The following ARHGAP40 variants were observed in gnomAD, a reference collection of about 807,000 sequenced individuals.
ARHGAP40 encodes the protein Rho GTPase activating protein 40.
A neutral mutation model predicts 73.5 loss-of-function variants in ARHGAP40; 43 were observed. The ratio of observed to expected loss-of-function variants is 0.58; its 90% confidence interval spans 0.46 to 0.75. The LOEUF (loss-of-function observed/expected upper bound fraction) is 0.75, where lower values mean the gene tolerates loss of function less well. Among genes scored for constraint, ARHGAP40 ranks in the 30% least tolerant of loss-of-function variants. The pLI is 0.00. For synonymous variants in ARHGAP40, 300 were observed against 352.8 expected, an observed-to-expected ratio of 0.85 and a Z score of 1.68; for missense variants, 734 against 861.8, an observed-to-expected ratio of 0.85 and a Z score of 1.86.
chr20:38,603,584 A>ATCTCTCTCTCTG (rs1395320137), intron 1 of ARHGAP40, among the ~76,000 whole-genome samples: 1 of 151,404 alleles, frequency 6.6e-6, no homozygotes, highest in Non-Finnish European at 1.5e-5. Flanking sequence ...CTTATCTATC[A>ATCTCTCTCTCTG]TCTCTCTCTC....
At chr20:38,630,889 C>G (rs909395232) in intron 5 of ARHGAP40, among the ~76,000 whole-genome samples, 3 of 152,108 alleles carry the variant, frequency 2.0e-5, no homozygotes, top group Non-Finnish European at 4.4e-5. Context: ...GGAAGTGTTT[C>G]TTCTTTGACC....
intron 1 of ARHGAP40, chr20:38,615,391 A>T: frequency 1.4e-6 from 1 of 736,680 alleles, no homozygotes; most frequent in South Asian, 1.4e-5. Context: ...ACCCACCCCA[A>T]TGAGGTAGCT....
chr20:38,611,695 C>T (rs2088805976), intron 1 of ARHGAP40, among the ~76,000 whole-genome samples: 1 of 152,100 alleles, frequency 6.6e-6, no homozygotes, highest in Admixed American at 6.5e-5. Context: ...CCTCAGCCTC[C>T]CAAGTAGCTG....
chr20:38,636,764 T>C (rs1238931734), intron 6 of ARHGAP40, among the ~76,000 whole-genome samples: 1 of 152,230 alleles, frequency 6.6e-6, no homozygotes, highest in African/African-American at 2.4e-5. Context: ...TGAGATAATA[T>C]TGCCCTTCAG....
chr20:38,643,807 A>G, exon 11 of ARHGAP40: 1 of 1,305,642 alleles, frequency 7.7e-7, no homozygotes, highest in East Asian at 5.5e-5. Flanking sequence ...TTTCTGCACC[A>G]AGGGCGGCCC....
At chr20:38,628,331 G>A (rs567154651) in intron 3 of ARHGAP40, among the ~76,000 whole-genome samples, 1 of 149,830 alleles carries the variant, frequency 6.7e-6, no homozygotes, top group South Asian at 2.1e-4. Flanking sequence ...TTGAGACTGA[G>A]CCTCGCTCTG....
intron 1 of ARHGAP40, among the ~76,000 whole-genome samples, chr20:38,621,065 C>T (rs921074921): frequency 1.3e-5 from 2 of 152,264 alleles, no homozygotes; most frequent in African/African-American, 2.4e-5. Context: ...TCCATGGAGC[C>T]GGCCCTAGGT....
At chr20:38,626,842 G>A (rs568531829) in intron 2 of ARHGAP40, among the ~76,000 whole-genome samples, 153 bp from the exon 3 acceptor site, 2 of 151,184 alleles carry the variant, frequency 1.3e-5, no homozygotes, top group South Asian at 2.1e-4. Context: ...CTTCTCCCCC[G>A]GAGAGTCTGG....
At chr20:38,637,374 C>T (rs937041956) in intron 6 of ARHGAP40, among the ~76,000 whole-genome samples, 4 of 152,154 alleles carry the variant, frequency 2.6e-5, no homozygotes, top group African/African-American at 7.2e-5. Context: ...GTCTCGACCT[C>T]CTGACCTCAG....
At chr20:38,638,655 C>T in intron 7 of ARHGAP40, 106 bp from the exon 8 acceptor site, 1 of 782,820 alleles carries the variant, frequency 1.3e-6, no homozygotes, top group Non-Finnish European at 1.9e-6. Context: ...GGAAACCCTT[C>T]TCCTGGTACT....
chr20:38,628,636 T>A (rs77478561), intron 3 of ARHGAP40, among the ~76,000 whole-genome samples: 4,226 of 152,284 alleles, frequency 0.028, 217 homozygotes, highest in African/African-American at 0.097. Flanking sequence ...TCACTGTGTA[T>A]CCTGCTGACA....
At chr20:38,630,360 C>T (rs1177113296) in intron 5 of ARHGAP40, among the ~76,000 whole-genome samples, 1 of 151,928 alleles carries the variant, frequency 6.6e-6, no homozygotes, top group Non-Finnish European at 1.5e-5. Context: ...GCTAGGACTA[C>T]AGTTGCATGC....
exon 15 of ARHGAP40, chr20:38,650,640 C>G (rs1421450159): frequency 4.2e-6 from 2 of 471,198 alleles, no homozygotes; most frequent in Admixed American, 4.7e-5. Context: ...AAAGGCACAA[C>G]AAGTTCAATG....
rs1166266762 is a variant in ARHGAP40, at chr20:38,627,653, G to GGTGTGTGTGGGGTGTGTTA, written c.558+450_558+451insTGTGTTAGTGTGTGTGGGG. ...TGTTGGGGTGTGTGTGGGGTGTGTT[G>GGTGTGTGTGGGGTGTGTTA]GTGTGTGTGGGGGTGTGTTGGTGTG... On this transcript the variant is annotated intron_variant, in intron 3 of 14. Coordinates refer to ENST00000373345, the Ensembl canonical transcript of ARHGAP40. Among the ~76,000 whole-genome samples the GGTGTGTGTGGGGTGTGTTA allele has an allele frequency of 6.3e-5, 9 of 143,676 alleles. 1 individual carries two copies. The highest frequency in any genetic ancestry group is 2.3e-4 in the African/African-American group (9 of 38,596). The allele number at this position is 143,676 out of a possible 152,430, so 94.3% of individuals were successfully genotyped here.
At chr20:38,636,291 T>A (rs1382191833) in intron 6 of ARHGAP40, among the ~76,000 whole-genome samples, 1 of 150,726 alleles carries the variant, frequency 6.6e-6, no homozygotes, top group African/African-American at 2.5e-5. Context: ...AGAGAAAGTC[T>A]CTCTCTCTTG....
intron 13 of ARHGAP40, 40 bp downstream of exon 13, chr20:38,647,166 A>G: frequency 7.8e-7 from 1 of 1,288,052 alleles, no homozygotes; most frequent in Non-Finnish European, 1.0e-6. Flanking sequence ...TCTTCCCTGC[A>G]GGGAGGGCTC....
chr20:38,629,405 TTC>T (rs2088923082), intron 4 of ARHGAP40, 95 bp from the exon 5 acceptor site: 16 of 1,203,694 alleles, frequency 1.3e-5, no homozygotes, highest in Non-Finnish European at 1.7e-5. Context: ...GGGAGCTCAC[TTC>T]TTAGGACTAA....
intron 1 of ARHGAP40, among the ~76,000 whole-genome samples, chr20:38,607,552 T>C (rs74983286): frequency 0.057 from 8,684 of 152,200 alleles, 258 homozygotes; most frequent in Non-Finnish European, 0.064. Context: ...TTCCCTCTTT[T>C]CTCACAATGA....
exon 2 of ARHGAP40, chr20:38,623,490 A>G (rs1601139500): frequency 7.7e-7 from 1 of 1,290,920 alleles, no homozygotes; most frequent in Non-Finnish European, 1.0e-6. Context: ...ATGGAGGTGG[A>G]ACAGATCCAA....
Sources: gnomAD v4.1 joint callset for allele counts (sites outside exome capture counted in the v4.1 genomes callset) on GRCh38, gnomAD v4.1.1 for gene constraint, MANE v1.5 for transcripts, NCBI Gene and HGNC (gene_info 2026-07-23, HGNC 2026-07-21) for gene names.